The following NF1 variants were observed in gnomAD, a reference collection of about 807,000 sequenced individuals.
The protein encoded by NF1 is neurofibromin 1, also known as neurofibromin.
Under a neutral mutation model 325.7 loss-of-function variants are expected in NF1, and 122 were observed. The ratio of observed to expected loss-of-function variants is 0.37; its 90% CI spans 0.32 to 0.44. The LOEUF (loss-of-function observed/expected upper bound fraction) is 0.44. Ranked by LOEUF, NF1 falls within the 20% of genes least tolerant of loss-of-function variation. The probability of loss-of-function intolerance (pLI) is 1.00; values close to 1 mark genes in which losing one functional copy is unlikely to be tolerated. For synonymous variants in NF1, 1,091 were observed against 1,186.0 expected (o/e 0.92, Z 1.65); for missense variants, 2,140 against 3,415.4 (o/e 0.63, Z 9.31).
intron 14 of NF1, among the ~76,000 whole-genome samples, chr17:31,220,515 T>G (rs2066903468): frequency 6.6e-6 from 1 of 152,172 alleles, no homozygotes; most frequent in South Asian, 2.1e-4. Context: ...CTCTTAATTA[T>G]AATAGAATAT....
rs780828438 is a variant in NF1, at chr17:31,117,672, CAAAAAAAAAAAAAAAA to C, written c.60+22319_60+22334del. 3.5e-4 allele frequency among the ~76,000 whole-genome samples: 7 copies of C among 19,814 alleles called. No individual in the cohort carries two copies. The South Asian group carries it at 0.021, about 60-fold the overall frequency. 13.0% of individuals were successfully genotyped at this position (19,814 alleles called of 152,430 possible). On this transcript the variant is annotated intron_variant, in intron 1 of 57. Coordinates refer to ENST00000358273, the MANE Select transcript of NF1 (RefSeq NM_001042492.3). ...TGGGTGACAGAGCAAAACTCCATCTCAAAAAAAAAAAAAAAAAAAAAAAAAAAAAAAGGAATAGTGA... is the reference window on the plus strand; with the variant it reads ...TGGGTGACAGAGCAAAACTCCATCTCAAAAAAAAAAAAAAAGGAATAGTGA...
chr17:31,201,273 A>G (rs1316208106), intron 10 of NF1, 114 bp downstream of exon 10: 3 of 1,496,970 alleles, frequency 2.0e-6, no homozygotes, highest in Non-Finnish European at 2.8e-6. Flanking sequence ...ACTATTATGT[A>G]TTGATGTTCG....
intron 36 of NF1, among the ~76,000 whole-genome samples, chr17:31,274,742 AGT>A (rs2067970372): frequency 6.7e-6 from 1 of 149,894 alleles, no homozygotes; most frequent in South Asian, 2.1e-4. Flanking sequence ...TAATAGTAAT[AGT>A]AATAGTAATA....
chr17:31,292,845 T>C (rs886212166), intron 36 of NF1, among the ~76,000 whole-genome samples: 9 of 152,082 alleles, frequency 5.9e-5, no homozygotes, highest in Non-Finnish European at 5.9e-5. Flanking sequence ...AGCATTGAGT[T>C]TTTGGTATCC....
At chr17:31,356,756 AAATT>A in intron 52 of NF1, 174 bp downstream of exon 52, 1 of 1,170,468 alleles carries the variant, frequency 8.5e-7, no homozygotes. Context: ...GCTTGTGTAA[AAATT>A]AATCATATAT....
intron 36 of NF1, among the ~76,000 whole-genome samples, chr17:31,289,714 A>G (rs1275568663): frequency 6.6e-6 from 1 of 152,038 alleles, no homozygotes; most frequent in Non-Finnish European, 1.5e-5. Context: ...CTAATGGTGG[A>G]TATTTATTGT....
intron 38 of NF1, 86 bp from the exon 39 acceptor site, chr17:31,330,210 G>C: frequency 9.3e-7 from 1 of 1,078,806 alleles, no homozygotes; most frequent in Non-Finnish European, 1.4e-6. Flanking sequence ...CTTTGTAACA[G>C]AATCACAAAT....
chr17:31,230,462 G>T, intron 23 of NF1, 80 bp downstream of exon 23: 1 of 1,528,688 alleles, frequency 6.5e-7, no homozygotes, highest in Non-Finnish European at 9.0e-7. Flanking sequence ...TAGATATGCG[G>T]TTATTGGTAG....
intron 14 of NF1, among the ~76,000 whole-genome samples, chr17:31,221,156 A>G (rs375150476): frequency 5.9e-5 from 9 of 152,086 alleles, no homozygotes; most frequent in East Asian, 3.8e-4. Context: ...AGATAAGATC[A>G]GTTCGAAGGA....
chr17:31,248,961 A>G, intron 29 of NF1, 23 bp from the exon 30 acceptor site: 1 of 1,612,558 alleles, frequency 6.2e-7, no homozygotes, highest in Non-Finnish European at 8.5e-7. Flanking sequence ...AAGTGTTAGG[A>G]TTTTATTTTT....
chr17:31,167,620 A>G (rs2065866334), intron 4 of NF1, among the ~76,000 whole-genome samples: 1 of 152,234 alleles, frequency 6.6e-6, no homozygotes, highest in African/African-American at 2.4e-5. Context: ...ATGTCTATTA[A>G]TATGAATAAT....
intron 37 of NF1, 122 bp downstream of exon 37, chr17:31,326,374 G>A (rs770728201): frequency 4.0e-5 from 40 of 998,746 alleles, no homozygotes; most frequent in Middle Eastern, 2.5e-4. Context: ...TAAGGCTGTC[G>A]CGGTGGCTCA....
At chr17:31,096,131 TCC>T (rs34969414) in intron 1 of NF1, among the ~76,000 whole-genome samples, 1 of 140,406 alleles carries the variant, frequency 7.1e-6, no homozygotes, top group South Asian at 2.3e-4. Context: ...TGCAGTCTCT[TCC>T]CCCCCCCCTT....
In NF1 at chr17:31,229,811, TTAATG is replaced by T. The variant is rs758020046; in HGVS notation, c.2851-21_2851-17del. 7.0e-5 allele frequency: 113 copies of T among 1,611,452 alleles called. No homozygotes were observed. In the African/African-American group the frequency reaches 1.4e-3, roughly 20 times the overall value. On this transcript the variant is annotated intron_variant, in intron 21 of 57. Transcript: ENST00000358273. ...TCTTCTGGGCATTGATGGCAAATCA[TTAATG>T]TATTTGTTCTTTCTTTAGGTTTTAT...
intron 8 of NF1, among the ~76,000 whole-genome samples, chr17:31,194,409 A>G (rs764532377): frequency 3.9e-5 from 6 of 152,074 alleles, no homozygotes; most frequent in Non-Finnish European, 7.4e-5. Context: ...AGGGTAGGGA[A>G]CGATTTGTTA....
chr17:31,165,224 G>A (rs1037652424), intron 4 of NF1, among the ~76,000 whole-genome samples: 13 of 152,164 alleles, frequency 8.5e-5, no homozygotes, highest in Non-Finnish European at 1.6e-4. Flanking sequence ...GTAAAAATAA[G>A]CAACTTTTGT....
chr17:31,182,484 T>C (rs2143784443), intron 7 of NF1, 24 bp from the exon 8 acceptor site: 1 of 1,612,186 alleles, frequency 6.2e-7, no homozygotes, highest in Admixed American at 1.7e-5. Flanking sequence ...TCTAATAATG[T>C]CATTTAATAT....
chr17:31,215,196 C>T (rs189812208), intron 13 of NF1, among the ~76,000 whole-genome samples: 1 of 152,220 alleles, frequency 6.6e-6, no homozygotes, highest in Non-Finnish European at 1.5e-5. Context: ...TGGCTCACTG[C>T]CTTCGAACTC....
At chr17:31,128,880 C>T (rs1915112143) in intron 1 of NF1, among the ~76,000 whole-genome samples, 1 of 151,450 alleles carries the variant, frequency 6.6e-6, no homozygotes, top group South Asian at 2.1e-4. Flanking sequence ...GAGCCTAGAT[C>T]GCGCCACTGC....
Sources: allele counts gnomAD v4.1 joint callset (sites outside exome capture counted in the v4.1 genomes callset), GRCh38; gene constraint gnomAD v4.1.1; transcripts MANE v1.5; gene names NCBI Gene and HGNC (gene_info 2026-07-23, HGNC 2026-07-21).